The following PRKCB variants were observed in gnomAD, a reference collection of about 807,000 sequenced individuals.
PRKCB encodes protein kinase C beta.
PRKCB carries 13 observed loss-of-function variants against 81.5 expected under a neutral mutation model. That is an observed-to-expected ratio of 0.16 (90% CI 0.10 to 0.25). PRKCB has a LOEUF of 0.25. Among genes scored for constraint, PRKCB ranks in the 10% least tolerant of loss-of-function variants. The pLI is 1.00. For missense variants in PRKCB, 509 were observed against 875.7 expected, an observed-to-expected ratio of 0.58 and a Z score of 5.29; for synonymous variants, 335 against 321.4, an observed-to-expected ratio of 1.04 and a Z score of -0.45.
intron 5 of PRKCB, among the ~76,000 whole-genome samples, chr16:24,090,485 G>T (rs552910731): frequency 6.6e-6 from 1 of 152,236 alleles, no homozygotes; most frequent in African/African-American, 2.4e-5. Context: ...TTTAAGTAGG[G>T]CTGGGGTCAT....
At chr16:24,092,413 T>A (rs1301638194) in intron 5 of PRKCB, among the ~76,000 whole-genome samples, 1 of 152,256 alleles carries the variant, frequency 6.6e-6, no homozygotes, top group Non-Finnish European at 1.5e-5. Flanking sequence ...AATGGAATAT[T>A]ATTCAGTCAT....
chr16:23,923,788 A>G (rs1051497480), intron 2 of PRKCB, among the ~76,000 whole-genome samples: 2 of 152,074 alleles, frequency 1.3e-5, no homozygotes, highest in African/African-American at 4.8e-5. Flanking sequence ...GGTCCCAACC[A>G]TAATCAACCT....
intron 2 of PRKCB, among the ~76,000 whole-genome samples, chr16:23,910,524 G>A (rs1029832616): frequency 3.9e-5 from 6 of 152,170 alleles, no homozygotes; most frequent in Admixed American, 1.3e-4. Context: ...GGCTCGGGCC[G>A]TTAGGCAATG....
At chr16:24,129,212 A>G (rs915785610) in intron 9 of PRKCB, among the ~76,000 whole-genome samples, 1 of 152,202 alleles carries the variant, frequency 6.6e-6, no homozygotes, top group African/African-American at 2.4e-5. Flanking sequence ...TATGCAGGAA[A>G]GTTTGAATGG....
chr16:23,871,840 C>T (rs1361400951), intron 2 of PRKCB, among the ~76,000 whole-genome samples: 1 of 147,246 alleles, frequency 6.8e-6, no homozygotes, highest in Admixed American at 7.0e-5. Flanking sequence ...AGCCTCTCAG[C>T]CTCCCAAAGT....
chr16:24,019,530 G>A (rs571117926), intron 3 of PRKCB, among the ~76,000 whole-genome samples: 23 of 152,216 alleles, frequency 1.5e-4, no homozygotes, highest in African/African-American at 5.1e-4. Flanking sequence ...CTGGGAGGCC[G>A]AAGCAGGCGG....
chr16:24,088,255 T>G (rs932306223), intron 5 of PRKCB, among the ~76,000 whole-genome samples: 3 of 152,190 alleles, frequency 2.0e-5, no homozygotes, highest in Non-Finnish European at 4.4e-5. Context: ...CTTGGAGATG[T>G]GAATGCCAGC....
intron 9 of PRKCB, among the ~76,000 whole-genome samples, chr16:24,133,807 G>A (rs1966857185): frequency 6.6e-6 from 1 of 152,138 alleles, no homozygotes; most frequent in African/African-American, 2.4e-5. Flanking sequence ...AAGGAGGCGG[G>A]ACCTTGAAAG....
chr16:24,081,574 T>A (rs780772083), intron 5 of PRKCB, among the ~76,000 whole-genome samples: 18 of 152,126 alleles, frequency 1.2e-4, no homozygotes, highest in African/African-American at 3.1e-4. Flanking sequence ...ATAAAAAAAA[T>A]TTTTAAAGGC....
intron 5 of PRKCB, among the ~76,000 whole-genome samples, chr16:24,062,698 C>G (rs541479505): frequency 1.3e-5 from 2 of 152,232 alleles, no homozygotes; most frequent in East Asian, 3.9e-4. Flanking sequence ...TTTGATCTCC[C>G]CTTGCTTCAT....
intron 2 of PRKCB, among the ~76,000 whole-genome samples, chr16:23,854,659 C>A (rs1409759916): frequency 2.6e-5 from 4 of 152,186 alleles, no homozygotes; most frequent in Non-Finnish European, 5.9e-5. Context: ...TCACTTCTGC[C>A]ATATTCCCTG....
chr16:24,137,588 G>T (rs1966869407), intron 9 of PRKCB, among the ~76,000 whole-genome samples: 1 of 152,184 alleles, frequency 6.6e-6, no homozygotes, highest in East Asian at 1.9e-4. Flanking sequence ...CATTAACATG[G>T]AAACTCTGTC....
chr16:23,844,945 G>A (rs142442448), intron 2 of PRKCB, among the ~76,000 whole-genome samples: 1 of 152,080 alleles, frequency 6.6e-6, no homozygotes, highest in African/African-American at 2.4e-5. Flanking sequence ...GCGATTACAG[G>A]TGCCCACCAC....
chr16:23,964,735 C>T lies in PRKCB; in HGVS notation c.206-23773C>T, dbSNP rs980251970. ...CCAGGCTGGACTGCAGTGTCGCGAT[C>T]TCAGCTCACTGCAGCCTCTGCCTCC... On this transcript the variant is annotated intron_variant, in intron 2 of 16. Transcript: ENST00000643927. Among the ~76,000 whole-genome samples the T allele has an allele frequency of 3.4e-5, 5 of 149,166 alleles. No individual in the cohort carries two copies. In the South Asian group the frequency reaches 1.1e-3, roughly 32 times the overall value.
At chr16:24,030,439 G>A (rs1965536780) in intron 3 of PRKCB, among the ~76,000 whole-genome samples, 1 of 152,214 alleles carries the variant, frequency 6.6e-6, no homozygotes, top group South Asian at 2.1e-4. Flanking sequence ...AATAGTAATA[G>A]CAATCATGGA....
intron 2 of PRKCB, among the ~76,000 whole-genome samples, chr16:23,867,037 C>A (rs1444807192): frequency 1.3e-5 from 1 of 77,608 alleles, no homozygotes; most frequent in African/African-American, 6.2e-5. Context: ...TCCTTCCTTC[C>A]TTCCTTCCTT....
chr16:24,069,717 G>A (rs1966083676), intron 5 of PRKCB, among the ~76,000 whole-genome samples: 1 of 152,176 alleles, frequency 6.6e-6, no homozygotes, highest in South Asian at 2.1e-4. Context: ...TCCAGCCTGA[G>A]TAACAAAGCA....
At chr16:23,931,525 T>A (rs531433701) in intron 2 of PRKCB, among the ~76,000 whole-genome samples, 51 of 151,708 alleles carry the variant, frequency 3.4e-4, no homozygotes, top group African/African-American at 1.2e-3. Context: ...CAGGTTGGGG[T>A]GAGGGTGTGA....
chr16:24,058,499 G>A (rs770556310), intron 5 of PRKCB, among the ~76,000 whole-genome samples: 1 of 151,934 alleles, frequency 6.6e-6, no homozygotes, highest in Non-Finnish European at 1.5e-5. Context: ...ACCATGAAAC[G>A]TAACCTTCAT....
Sources: allele counts gnomAD v4.1 joint callset (sites outside exome capture counted in the v4.1 genomes callset), GRCh38; gene constraint gnomAD v4.1.1; transcripts MANE v1.5; gene names NCBI Gene and HGNC (gene_info 2026-07-23, HGNC 2026-07-21).